Variants in TSBP1 observed in about 807,000 individuals in gnomAD.
TSBP1 encodes the protein testis expressed basic protein 1, also known as testis-expressed basic protein 1.
A neutral mutation model predicts 68.8 loss-of-function variants in TSBP1; 56 were observed. That is an observed-to-expected ratio of 0.81 (90% CI 0.66 to 1.02). The LOEUF is 1.02. Among genes scored for constraint, TSBP1 ranks in the 50% least tolerant of loss-of-function variants. The probability of loss-of-function intolerance (pLI) is 0.00; values close to 1 mark genes in which losing one functional copy is unlikely to be tolerated. For synonymous variants in TSBP1, 171 were observed against 208.7 expected (o/e 0.82, Z 1.56); for missense variants, 502 against 641.2 (o/e 0.78, Z 2.34).
chr6:32,314,243 C>G lies in TSBP1; in HGVS notation c.580+1529G>C, dbSNP rs945544427. On this transcript the variant is annotated intron_variant, in intron 19 of 22. Transcript: ENST00000612031. The surrounding 1 kb of genome is among the most constrained non-coding windows in gnomAD (Gnocchi z 4.2). Reference sequence around the variant, plus strand: ...CCAGCCAAAAATGAGGTGTTATAAACCCTAGTTACTTTGGCATTCCTTTTT... The same window carrying G: ...CCAGCCAAAAATGAGGTGTTATAAAGCCTAGTTACTTTGGCATTCCTTTTT... Among the ~76,000 whole-genome samples the G allele has an allele frequency of 6.6e-6, 1 of 152,104 alleles. No individual in the cohort carries two copies.
chr6:32,371,434 A>G (rs926913686), intron 1 of TSBP1, among the ~76,000 whole-genome samples: 4 of 152,180 alleles, frequency 2.6e-5, no homozygotes, highest in African/African-American at 9.7e-5. Context: ...AGTGCTACGG[A>G]GGATGGTTAT....
chr6:32,323,201 G>A, intron 17 of TSBP1, 64 bp from the exon 19 acceptor site: 1 of 1,074,750 alleles, frequency 9.3e-7, no homozygotes, highest in South Asian at 1.3e-5. Context: ...CTCTAGGGAG[G>A]TATATTTGTG....
At position 32,295,887 on chromosome 6, in the gene TSBP1, C is replaced by T. The variant is rs553036939; in HGVS notation, c.638-1852G>A. Among the ~76,000 whole-genome samples, 148 of 149,090 alleles carry T rather than the reference C, an allele frequency of 9.9e-4. 1 individual carries two copies. Among genetic ancestry groups the T allele is most frequent in the Non-Finnish European group, 1.7e-3 (113 of 67,634 alleles). Reference sequence around the variant, plus strand: ...GAGATGGAGTTTCGCTCTTGTTGCCCAGGCTGGAGTGCAATGGCACGATCT... The same window carrying T: ...GAGATGGAGTTTCGCTCTTGTTGCCTAGGCTGGAGTGCAATGGCACGATCT... On this transcript the variant is annotated intron_variant, in intron 22 of 22. Transcript: ENST00000612031.
chr6:32,323,607 T>C (rs779837423), exon 17 of TSBP1: 1 of 1,612,262 alleles, frequency 6.2e-7, no homozygotes, highest in Admixed American at 1.7e-5. Context: ...GTGCTGAAGG[T>C]GGACCAGCTG....
At chr6:32,305,418 TGCACACTTACAC>T (rs1765698805) in intron 19 of TSBP1, among the ~76,000 whole-genome samples, 1 of 152,226 alleles carries the variant, frequency 6.6e-6, no homozygotes, top group African/African-American at 2.4e-5. Flanking sequence ...TTTAGATGAA[TGCACACTTACAC>T]GTAGACATAT....
At position 32,314,443 on chromosome 6, in the gene TSBP1, C is replaced by G. The variant is rs1279221665; in HGVS notation, c.580+1329G>C. Among the ~76,000 whole-genome samples the G allele has an allele frequency of 6.6e-6, 1 of 152,174 alleles. No individual in the cohort carries two copies. The highest frequency in any genetic ancestry group is 2.4e-5 in the African/African-American group (1 of 41,418). On this transcript the variant is annotated intron_variant, in intron 19 of 22. Coordinates refer to ENST00000612031, the Ensembl canonical transcript of TSBP1. The surrounding 1 kb of genome is among the most constrained non-coding windows in gnomAD (Gnocchi z 4.2). ...TTTGGTGGGCCTTGGTCTCTGTTCC[C>G]AATTATATGGCCCATGTGCAAACAT... is the stretch of plus-strand genomic sequence containing the variant.
chr6:32,300,615 G>C (rs1706773512), intron 21 of TSBP1, 65 bp downstream of exon 24: 7 of 1,429,728 alleles, frequency 4.9e-6, no homozygotes, highest in Non-Finnish European at 6.9e-6. Flanking sequence ...AAGAACATTT[G>C]GGAAAAAGAA....
Position 32,333,074 on chromosome 6 carries a change from T to C in TSBP1, c.473-1020A>G, listed in dbSNP as rs979676236. On this transcript the variant is annotated intron_variant, in intron 14 of 22. Transcript: ENST00000612031. The surrounding 1 kb of genome is among the most constrained non-coding windows in gnomAD (Gnocchi z 4.2). ...CCCAGGCTGGAATGCAGTGGCATGA[T>C]CTCGGCTCACTGCAACCTCTGCCTC... Among the ~76,000 whole-genome samples the C allele has an allele frequency of 6.6e-6, 1 of 152,014 alleles. No individual in the cohort carries two copies. Among genetic ancestry groups the C allele is most frequent in the Non-Finnish European group, 1.5e-5 (1 of 67,992 alleles).
chr6:32,355,638 A>C lies in TSBP1; in HGVS notation c.238+11T>G. ...AAGCAAATTTTTGTTAAGAAGCAAG[A>C]TAATACTTACTGTAATCTCTTTTGG... On this transcript the variant is annotated intron_variant, in intron 7 of 22. Coordinates refer to ENST00000612031, the Ensembl canonical transcript of TSBP1. 6.3e-7 allele frequency: 1 copy of C among 1,591,932 alleles called. No homozygotes were observed. Among genetic ancestry groups the C allele is most frequent in the Non-Finnish European group, 8.5e-7 (1 of 1,171,456 alleles).
chr6:32,331,530 T>G (rs1769015658), intron 15 of TSBP1, among the ~76,000 whole-genome samples: 1 of 152,238 alleles, frequency 6.6e-6, no homozygotes, highest in Middle Eastern at 3.4e-3. Flanking sequence ...GTTCGGGCTG[T>G]GAGAAACATT....
intron 14 of TSBP1, among the ~76,000 whole-genome samples, chr6:32,334,859 C>A (rs955452324): frequency 1.3e-5 from 2 of 152,008 alleles, no homozygotes; most frequent in Non-Finnish European, 2.9e-5. Flanking sequence ...GAGTGAAACC[C>A]CATCTCTACT....
At chr6:32,330,565 G>C (rs1768861517) in intron 16 of TSBP1, 24 bp downstream of exon 17, 9 of 1,607,038 alleles carry the variant, frequency 5.6e-6, no homozygotes, top group African/African-American at 1.3e-5. Context: ...AACCTGGAGG[G>C]AGAAGGATAG....
At position 32,293,392 on chromosome 6, in the gene TSBP1, T is replaced by TTGGCC; in HGVS notation, c.1276_1280dup (p.Val428AlafsTer3). On this transcript the variant is annotated frameshift_variant, in exon 23 of 23. Transcript: ENST00000612031. LOFTEE classifies it low-confidence loss of function (END_TRUNC). The stretch of plus-strand genomic sequence containing the variant: ...GCACATCTGCCTCAGTCTTCTCTAC[T>TTGGCC]TGGCCTTCTTGTCCTTTTGGTACCT... 6.2e-7 allele frequency: 1 copy of TTGGCC among 1,613,002 alleles called. No homozygotes were observed.
At chr6:32,305,381 G>C (rs544358) in intron 19 of TSBP1, among the ~76,000 whole-genome samples, 50,892 of 152,048 alleles carry the variant, frequency 0.33, 9,622 homozygotes, top group Middle Eastern at 0.52. Context: ...CTTAGTCACA[G>C]ATTAGAAGAA....
chr6:32,303,081 T>C (rs1300434214), intron 19 of TSBP1, among the ~76,000 whole-genome samples: 1 of 152,244 alleles, frequency 6.6e-6, no homozygotes, highest in Non-Finnish European at 1.5e-5. Flanking sequence ...CTGTTCCAGC[T>C]ATATGGTACT....
intron 9 of TSBP1, among the ~76,000 whole-genome samples, chr6:32,342,581 G>A: frequency 6.6e-6 from 1 of 152,108 alleles, no homozygotes; most frequent in Non-Finnish European, 1.5e-5. Flanking sequence ...TAGGGAGCTG[G>A]GATACAACTC....
chr6:32,352,993 A>T (rs1189155980), intron 8 of TSBP1: 2 of 151,928 alleles, frequency 1.3e-5, no homozygotes, highest in Non-Finnish European at 2.9e-5. Context: ...TAAAATAAAA[A>T]AAGAAGATGA....
intron 19 of TSBP1, among the ~76,000 whole-genome samples, chr6:32,305,913 A>C (rs1765738184): frequency 6.6e-6 from 1 of 152,234 alleles, no homozygotes; most frequent in East Asian, 1.9e-4. Flanking sequence ...TCCTGTCTTC[A>C]GAAGAACTGG....
chr6:32,331,089 T>G (rs775733291), intron 15 of TSBP1, among the ~76,000 whole-genome samples: 1 of 152,224 alleles, frequency 6.6e-6, no homozygotes, highest in East Asian at 1.9e-4. Context: ...CTCTAGCCTC[T>G]CCATAAGAAC....
Sources: allele counts gnomAD v4.1 joint callset (sites outside exome capture counted in the v4.1 genomes callset), GRCh38; gene constraint gnomAD v4.1.1; non-coding constraint Gnocchi (gnomAD v3.1); transcripts MANE v1.5; gene names NCBI Gene and HGNC (gene_info 2026-07-23, HGNC 2026-07-21).